The following ADARB2 variants were observed in gnomAD, a reference collection of about 807,000 sequenced individuals.
ADARB2 encodes adenosine deaminase RNA specific B2 (inactive).
ADARB2 carries 25 observed loss-of-function variants against 62.2 expected under a neutral mutation model. The observed-to-expected ratio is 0.40, with a 90% CI of 0.29 to 0.56. ADARB2 has a LOEUF of 0.56. ADARB2 is among the 20% of genes least tolerant of loss of function. ADARB2 has a pLI of 0.43. For missense variants in ADARB2, 1,071 were observed against 1,077.4 expected, an observed-to-expected ratio of 0.99 and a Z score of 0.08; for synonymous variants, 572 against 500.8, an observed-to-expected ratio of 1.14 and a Z score of -1.90.
At chr10:1,484,922 G>A (rs149703857) in intron 1 of ADARB2, among the ~76,000 whole-genome samples, 19 of 152,230 alleles carry the variant, frequency 1.2e-4, no homozygotes, top group African/African-American at 4.1e-4. Context: ...AGGTGTGCAG[G>A]TATCTATGCA....
chr10:1,289,581 C>A lies in ADARB2; in HGVS notation c.1078-18512G>T, dbSNP rs1831445851. 2.0e-5 allele frequency among the ~76,000 whole-genome samples: 3 copies of A among 152,238 alleles called. No homozygotes were observed. The South Asian group carries it at 6.2e-4, about 32-fold the overall frequency. ...ACCAGGGTGCTCCTGACGGGCAGACCCATCCCACTTTCTGAGGTGGAAAAC... is the reference window on the plus strand; with the variant it reads ...ACCAGGGTGCTCCTGACGGGCAGACACATCCCACTTTCTGAGGTGGAAAAC... On this transcript the variant is annotated intron_variant, in intron 3 of 9. Transcript: ENST00000381312.
intron 1 of ADARB2, among the ~76,000 whole-genome samples, chr10:1,671,576 G>A (rs1834385493): frequency 6.6e-6 from 1 of 152,136 alleles, no homozygotes; most frequent in Admixed American, 6.5e-5. Context: ...GCCCATGGAG[G>A]TGGCATCTCC....
At chr10:1,568,787 T>C (rs1832892779) in intron 1 of ADARB2, among the ~76,000 whole-genome samples, 1 of 146,512 alleles carries the variant, frequency 6.8e-6, no homozygotes, top group African/African-American at 2.5e-5. Context: ...TGCATATATC[T>C]ATATGTCTCT....
intron 1 of ADARB2, among the ~76,000 whole-genome samples, chr10:1,614,800 A>T (rs558585184): frequency 2.0e-5 from 3 of 152,050 alleles, no homozygotes; most frequent in African/African-American, 7.2e-5. Flanking sequence ...AGTCCCAGCT[A>T]CTCGGGAGGC....
intron 1 of ADARB2, among the ~76,000 whole-genome samples, chr10:1,591,794 G>T (rs952529721): frequency 6.6e-6 from 1 of 152,314 alleles, no homozygotes; most frequent in South Asian, 2.1e-4. Context: ...ACTCCTTAGG[G>T]CAGGGACTTG....
chr10:1,535,471 G>A (rs1267914468), intron 1 of ADARB2: 2 of 160,130 alleles, frequency 1.2e-5, no homozygotes, highest in Non-Finnish European at 2.9e-5. Flanking sequence ...TGCACTTTAC[G>A]GCTTCTGCAA....
chr10:1,547,515 C>G (rs1832541525), intron 1 of ADARB2, among the ~76,000 whole-genome samples: 2 of 96,850 alleles, frequency 2.1e-5, no homozygotes, highest in Non-Finnish European at 3.9e-5. Context: ...AGAGGCTGTG[C>G]AAGTCTATGT....
chr10:1,621,964 T>C (rs979359774), intron 1 of ADARB2, among the ~76,000 whole-genome samples: 1 of 152,312 alleles, frequency 6.6e-6, no homozygotes, highest in South Asian at 2.1e-4. Context: ...GGAAAACTTA[T>C]ACTAGCTGAT....
chr10:1,323,966 G>A (rs1270795769), intron 3 of ADARB2, among the ~76,000 whole-genome samples: 4 of 152,176 alleles, frequency 2.6e-5, no homozygotes, highest in Non-Finnish European at 5.9e-5. Context: ...TGAACAACAA[G>A]CCATAAACTG....
chr10:1,505,794 C>T (rs937832787), intron 1 of ADARB2, among the ~76,000 whole-genome samples: 7 of 152,298 alleles, frequency 4.6e-5, no homozygotes, highest in Admixed American at 6.5e-5. Flanking sequence ...CTCCCGTCCC[C>T]ACCGTCTGCA....
intron 1 of ADARB2, among the ~76,000 whole-genome samples, chr10:1,600,968 G>A (rs912623130): frequency 1.1e-4 from 17 of 152,206 alleles, no homozygotes; most frequent in South Asian, 2.1e-4. Context: ...GACGGCGGCC[G>A]CAGAAGCAGT....
At chr10:1,294,662 GTTATC>G (rs762435789) in intron 3 of ADARB2, among the ~76,000 whole-genome samples, 33 of 152,286 alleles carry the variant, frequency 2.2e-4, no homozygotes, top group Non-Finnish European at 4.0e-4. Flanking sequence ...TTGCCTTTCT[GTTATC>G]TTGCCCCCAA....
At chr10:1,516,520 T>C (rs1220268793) in intron 1 of ADARB2, among the ~76,000 whole-genome samples, 1 of 151,836 alleles carries the variant, frequency 6.6e-6, no homozygotes, top group African/African-American at 2.4e-5. Context: ...CGGGCTGCTC[T>C]GTGCTGTGTG....
At chr10:1,296,702 T>C (rs919401789) in intron 3 of ADARB2, among the ~76,000 whole-genome samples, 2 of 152,218 alleles carry the variant, frequency 1.3e-5, no homozygotes, top group Non-Finnish European at 2.9e-5. Flanking sequence ...CCAAAACTCC[T>C]GGGACACAAT....
At chr10:1,394,809 G>T in intron 1 of ADARB2, 1 of 456,666 alleles carries the variant, frequency 2.2e-6, no homozygotes, top group Non-Finnish European at 4.4e-6. Context: ...GGGAGGAGCT[G>T]CTTCCCCTCC....
intron 3 of ADARB2, among the ~76,000 whole-genome samples, chr10:1,327,865 C>T (rs1338871689): frequency 8.7e-6 from 1 of 115,090 alleles, no homozygotes; most frequent in Non-Finnish European, 1.9e-5. Flanking sequence ...CAGCTCAGCG[C>T]CTCCTCACAG....
rs2131731151 is a variant in ADARB2 at position 1,180,574 on chromosome 10, T to TGCCTC, written c.*2614_*2618dup. On this transcript the variant is annotated 3_prime_UTR_variant, in exon 10 of 10. Coordinates refer to ENST00000381312, the MANE Select transcript of ADARB2 (RefSeq NM_018702.4). ...GCGTGTGGCGTGATCTGGTGTGGCGTGCCTCCTGCGTGTAGGGTCACCCTT... is the reference window on the plus strand; with the variant it reads ...GCGTGTGGCGTGATCTGGTGTGGCGTGCCTCGCCTCCTGCGTGTAGGGTCACCCTT... 1.3e-5 allele frequency: 2 copies of TGCCTC among 152,750 alleles called. No homozygotes were observed. Among genetic ancestry groups the TGCCTC allele is most frequent in the African/African-American group, 4.8e-5 (2 of 41,548 alleles). 9.5% of individuals were successfully genotyped at this position (152,750 alleles called of 1,614,324 possible).
intron 1 of ADARB2, among the ~76,000 whole-genome samples, chr10:1,519,897 A>G (rs1016825224): frequency 6.6e-6 from 1 of 152,174 alleles, no homozygotes; most frequent in African/African-American, 2.4e-5. Context: ...TAGAGTATTC[A>G]AATAATTGCC....
intron 1 of ADARB2, among the ~76,000 whole-genome samples, chr10:1,584,228 C>T (rs1014415864): frequency 3.3e-5 from 5 of 152,146 alleles, no homozygotes; most frequent in Admixed American, 3.3e-4. Flanking sequence ...ATATAAAGGA[C>T]AGTTAAAACT....
Sources: gnomAD v4.1 joint callset for allele counts (sites outside exome capture counted in the v4.1 genomes callset) on GRCh38, gnomAD v4.1.1 for gene constraint, MANE v1.5 for transcripts, NCBI Gene and HGNC (gene_info 2026-07-23, HGNC 2026-07-21) for gene names.